Variants in SAMD4A observed in about 807,000 individuals in gnomAD.
The protein encoded by SAMD4A is protein Smaug homolog 1.
SAMD4A carries 33 observed loss-of-function variants against 81.3 expected under a neutral mutation model. The ratio of observed to expected loss-of-function variants is 0.41; its 90% CI spans 0.31 to 0.54. The LOEUF (loss-of-function observed/expected upper bound fraction) is 0.54. Ranked by LOEUF, SAMD4A falls within the 20% of genes least tolerant of loss-of-function variation. The pLI, the probability that SAMD4A is intolerant of heterozygous loss-of-function variation, is 0.37. For synonymous variants in SAMD4A, 389 were observed against 382.1 expected (o/e 1.02, Z -0.21); for missense variants, 854 against 951.1 (o/e 0.90, Z 1.34).
intron 2 of SAMD4A, among the ~76,000 whole-genome samples, chr14:54,667,807 T>G (rs534322979): frequency 6.6e-6 from 1 of 152,352 alleles, no homozygotes; most frequent in Non-Finnish European, 1.5e-5. Context: ...ACACCATGCA[T>G]TCATGCTTAG....
At chr14:54,572,757 C>T (rs923624402) in intron 2 of SAMD4A, among the ~76,000 whole-genome samples, 8 of 152,044 alleles carry the variant, frequency 5.3e-5, no homozygotes, top group Non-Finnish European at 1.0e-4. Flanking sequence ...TGTTATTGTC[C>T]GGAAGTTACT....
At chr14:54,676,698 C>G (rs1405732233) in intron 2 of SAMD4A, among the ~76,000 whole-genome samples, 1 of 152,194 alleles carries the variant, frequency 6.6e-6, no homozygotes, top group Admixed American at 6.5e-5. Context: ...TTAGTTCTTT[C>G]AGTATATTTC....
At position 54,688,051 on chromosome 14, in the gene SAMD4A, G is replaced by C. The variant is rs1051834613; in HGVS notation, c.197-14011G>C. ...GGACAAAGTGGAGAGGGAGGAGATGGAGCAATCTCTTATGTGATCATTCCA... is the reference window on the plus strand; with the variant it reads ...GGACAAAGTGGAGAGGGAGGAGATGCAGCAATCTCTTATGTGATCATTCCA... On this transcript the variant is annotated intron_variant, in intron 2 of 12. Transcript: ENST00000554335. 5 of 985,536 alleles carry C rather than the reference G, an allele frequency of 5.1e-6. No individual in the cohort carries two copies. The African/African-American group carries it at 8.7e-5, about 17-fold the overall frequency. The allele number at this position is 985,536 out of a possible 1,614,324, so 61.0% of individuals were successfully genotyped here.
intron 12 of SAMD4A, among the ~76,000 whole-genome samples, chr14:54,785,238 A>T (rs2039105944): frequency 6.6e-6 from 1 of 152,182 alleles, no homozygotes; most frequent in Admixed American, 6.5e-5. Context: ...CCAAGCCCAG[A>T]ATGGGGGCTG....
chr14:54,635,839 A>G (rs551933829), intron 2 of SAMD4A, among the ~76,000 whole-genome samples: 18 of 152,298 alleles, frequency 1.2e-4, no homozygotes, highest in African/African-American at 4.3e-4. Flanking sequence ...CAGTGATCCT[A>G]TTTTTGCATA....
chr14:54,636,526 T>C lies in SAMD4A; in HGVS notation c.197-65536T>C, dbSNP rs193267784. Reference sequence around the variant, plus strand: ...TCTGGCTTCTATGTTGAGAATAAACTTTAGGAGGGCAGATGTGGAAAGCAG... The same window carrying C: ...TCTGGCTTCTATGTTGAGAATAAACCTTAGGAGGGCAGATGTGGAAAGCAG... On this transcript the variant is annotated intron_variant, in intron 2 of 12. Coordinates refer to ENST00000554335, the MANE Select transcript of SAMD4A (RefSeq NM_015589.6). Among the ~76,000 whole-genome samples the C allele has an allele frequency of 1.7e-3, 253 of 152,228 alleles. 2 individuals are homozygous for C. Among genetic ancestry groups the C allele is most frequent in the African/African-American group, 5.9e-3 (244 of 41,540 alleles).
At position 54,779,612 on chromosome 14, in the gene SAMD4A, A is replaced by G. The variant is rs189438708; in HGVS notation, c.2044+3072A>G. Among the ~76,000 whole-genome samples the G allele has an allele frequency of 5.3e-5, 8 of 152,034 alleles. 1 individual carries two copies. In the East Asian group the frequency reaches 1.2e-3, roughly 22 times the overall value. ...GGACTCATCCCTCGTTCCTGGTTCTACACAATTCACGGGCACTTGGAGGCC... is the reference window on the plus strand; with the variant it reads ...GGACTCATCCCTCGTTCCTGGTTCTGCACAATTCACGGGCACTTGGAGGCC... On this transcript the variant is annotated intron_variant, in intron 11 of 12. Coordinates refer to ENST00000554335, the MANE Select transcript of SAMD4A (RefSeq NM_015589.6).
chr14:54,685,691 G>A (rs1446310801), intron 2 of SAMD4A: 1 of 456,732 alleles, frequency 2.2e-6, no homozygotes, highest in Non-Finnish European at 4.4e-6. Flanking sequence ...TTCAGTGGTG[G>A]AAAGGCTCCC....
chr14:54,639,916 C>T (rs2140376063), intron 2 of SAMD4A, among the ~76,000 whole-genome samples: 1 of 152,226 alleles, frequency 6.6e-6, no homozygotes, highest in Middle Eastern at 3.4e-3. Flanking sequence ...TGACAAACTA[C>T]TCCTTTTTAA....
chr14:54,720,427 T>C (rs1385190150), intron 3 of SAMD4A, among the ~76,000 whole-genome samples: 1 of 152,182 alleles, frequency 6.6e-6, no homozygotes, highest in Non-Finnish European at 1.5e-5. Context: ...ACCTAGAACC[T>C]TATGTGTGTA....
intron 8 of SAMD4A, among the ~76,000 whole-genome samples, chr14:54,769,679 C>T (rs1463580144): frequency 2.0e-5 from 3 of 152,064 alleles, no homozygotes; most frequent in African/African-American, 7.2e-5. Flanking sequence ...TGCCCACACA[C>T]CATCAAGCAG....
chr14:54,690,986 G>T (rs1464168698), intron 2 of SAMD4A, among the ~76,000 whole-genome samples: 1 of 152,074 alleles, frequency 6.6e-6, no homozygotes, highest in Non-Finnish European at 1.5e-5. Flanking sequence ...TTGTTTCCAG[G>T]AAGGAGCTCC....
rs2034016142 is a variant in SAMD4A at position 54,600,131 on chromosome 14, G to T, written c.196+32019G>T. The stretch of plus-strand genomic sequence containing the variant: ...ATTCAGGAAGCAAAGCTGTGTCCTG[G>T]CCTTTCTTTCTTCTTTTTAAATTAT... On this transcript the variant is annotated intron_variant, in intron 2 of 12. Transcript: ENST00000554335. Among the ~76,000 whole-genome samples the T allele has an allele frequency of 2.0e-5, 3 of 152,090 alleles. No homozygotes were observed. The South Asian group carries it at 6.2e-4, about 31-fold the overall frequency.
At chr14:54,741,367 A>G (rs1275781607) in intron 4 of SAMD4A, among the ~76,000 whole-genome samples, 2 of 152,266 alleles carry the variant, frequency 1.3e-5, no homozygotes, top group Admixed American at 6.5e-5. Flanking sequence ...AAGATGGTAC[A>G]TAAACCCAAC....
chr14:54,663,883 C>T (rs1320483691), intron 2 of SAMD4A, among the ~76,000 whole-genome samples: 1 of 152,208 alleles, frequency 6.6e-6, no homozygotes, highest in African/African-American at 2.4e-5. Context: ...CCACCCATCC[C>T]ATCAGCTCAG....
chr14:54,619,760 T>A (rs2034571857), intron 2 of SAMD4A, among the ~76,000 whole-genome samples: 1 of 152,174 alleles, frequency 6.6e-6, no homozygotes, highest in Non-Finnish European at 1.5e-5. Context: ...CTGTTCCTGC[T>A]TTCGTTTGCT....
At chr14:54,572,553 G>A (rs1055000188) in intron 2 of SAMD4A, among the ~76,000 whole-genome samples, 2 of 152,266 alleles carry the variant, frequency 1.3e-5, no homozygotes, top group East Asian at 1.9e-4. Flanking sequence ...GTTGCTGTCC[G>A]CATTGGCATA....
intron 5 of SAMD4A, among the ~76,000 whole-genome samples, 173 bp downstream of exon 5, chr14:54,749,097 T>C (rs2038035545): frequency 6.6e-6 from 1 of 152,164 alleles, no homozygotes. Flanking sequence ...GGGTGGATTC[T>C]TGCCTTCAGG....
At chr14:54,601,170 A>G (rs1198615575) in intron 2 of SAMD4A, among the ~76,000 whole-genome samples, 27 of 152,206 alleles carry the variant, frequency 1.8e-4, no homozygotes, top group Admixed American at 1.8e-3. Flanking sequence ...TTGAGAATTC[A>G]TAACCTATCC....
Sources: allele counts gnomAD v4.1 joint callset (sites outside exome capture counted in the v4.1 genomes callset), GRCh38; gene constraint gnomAD v4.1.1; transcripts MANE v1.5; gene names NCBI Gene and HGNC (gene_info 2026-07-23, HGNC 2026-07-21).